ST3GAL3: variants seen among roughly 807,000 people sequenced by gnomAD.
ST3GAL3 encodes the protein CMP-N-acetylneuraminate-beta-1,4-galactoside alpha-2,3-sialyltransferase.
A neutral mutation model predicts 50.1 loss-of-function variants in ST3GAL3; 21 were observed. That is an observed-to-expected ratio of 0.42 (90% CI 0.30 to 0.60). ST3GAL3 has a LOEUF of 0.60. ST3GAL3 is among the 20% of genes least tolerant of loss of function. The pLI is 0.19. For missense variants in ST3GAL3, 353 were observed against 489.4 expected (o/e 0.72, Z 2.63); for synonymous variants, 183 against 190.0 (o/e 0.96, Z 0.30).
At chr1:43,859,934 G>T (rs2069494472) in intron 5 of ST3GAL3, among the ~76,000 whole-genome samples, 1 of 152,192 alleles carries the variant, frequency 6.6e-6, no homozygotes, top group Non-Finnish European at 1.5e-5. Flanking sequence ...TTAAGGGCAG[G>T]ACTCTGCCAG....
chr1:43,786,079 C>T (rs2154146666), intron 2 of ST3GAL3, among the ~76,000 whole-genome samples: 1 of 152,168 alleles, frequency 6.6e-6, no homozygotes, highest in East Asian at 1.9e-4. Context: ...TTCAGGCCAC[C>T]ATCAGTTCTC....
rs776629085 is a variant in ST3GAL3, at chr1:43,930,107, C to A, written c.1039-25C>A. On this transcript the variant is annotated intron_variant, in intron 11 of 11. Coordinates refer to ENST00000347631, the MANE Select transcript of ST3GAL3 (RefSeq NM_006279.5). ...AGTAAAGGTTTGAGCAAAGGCCCAA[C>A]TGATCACTTCATCTCTCCTTTCAGT... 12 of 1,610,504 alleles carry A rather than the reference C, an allele frequency of 7.5e-6. No individual in the cohort carries two copies. The African/African-American group carries it at 1.3e-4, about 18-fold the overall frequency.
At chr1:43,763,520 AG>A (rs1348618535) in intron 2 of ST3GAL3, among the ~76,000 whole-genome samples, 1 of 152,210 alleles carries the variant, frequency 6.6e-6, no homozygotes, top group African/African-American at 2.4e-5. Context: ...CAAGCCAATC[AG>A]CGTTGCCTTC....
intron 5 of ST3GAL3, among the ~76,000 whole-genome samples, chr1:43,867,964 A>C (rs1380118293): frequency 6.6e-6 from 1 of 152,262 alleles, no homozygotes; most frequent in Non-Finnish European, 1.5e-5. Context: ...GGCAACATAC[A>C]TGTATAATAA....
At chr1:43,855,114 T>C (rs2068084102) in intron 5 of ST3GAL3, among the ~76,000 whole-genome samples, 1 of 152,206 alleles carries the variant, frequency 6.6e-6, no homozygotes, top group South Asian at 2.1e-4. Flanking sequence ...ACTGCATAAG[T>C]TACATAAAAC....
At chr1:43,736,958 G>A (rs1023632341) in intron 2 of ST3GAL3, 1 of 213,530 alleles carries the variant, frequency 4.7e-6, no homozygotes, top group Non-Finnish European at 9.5e-6. Flanking sequence ...TTTGTCTCAT[G>A]TGTTACATAG....
In ST3GAL3 at chr1:43,915,227, G is replaced by A. The variant is rs564408340; in HGVS notation, c.745-5177G>A. ...GCTGAAGAGCTGCTGGTCACTGGGC[G>A]CCCTGGGTGGAGGTCAGGTCTCCTT... On this transcript the variant is annotated intron_variant, in intron 9 of 11. Transcript: ENST00000347631. 3.9e-5 allele frequency among the ~76,000 whole-genome samples: 6 copies of A among 152,280 alleles called. No individual in the cohort carries two copies. The East Asian group carries it at 5.8e-4, about 15-fold the overall frequency.
In ST3GAL3 at chr1:43,838,432, A is replaced by G. The variant is rs899074241; in HGVS notation, c.302+121A>G. ...GCTCTGGAAACCATGGGTTCCTGGA[A>G]AGGACTCTGCCTTTAAGTTGGTTCC... On this transcript the variant is annotated intron_variant, in intron 5 of 11. Coordinates refer to ENST00000347631, the MANE Select transcript of ST3GAL3 (RefSeq NM_006279.5). 10 of 950,126 alleles carry G rather than the reference A, an allele frequency of 1.1e-5. No homozygotes were observed. The African/African-American group carries it at 1.3e-4, about 12-fold the overall frequency. The allele number at this position is 950,126 out of a possible 1,614,324, so 58.9% of individuals were successfully genotyped here. A position where few individuals can be genotyped will look rare whatever the true frequency, so the allele number is the denominator to read the frequency against.
intron 5 of ST3GAL3, among the ~76,000 whole-genome samples, chr1:43,849,813 G>A (rs970536090): frequency 6.6e-6 from 1 of 152,204 alleles, no homozygotes; most frequent in Non-Finnish European, 1.5e-5. Context: ...ACAGCACACA[G>A]CAGAAGCTTC....
chr1:43,851,866 G>C (rs1442874370), intron 5 of ST3GAL3, among the ~76,000 whole-genome samples: 4 of 152,190 alleles, frequency 2.6e-5, no homozygotes, highest in Non-Finnish European at 4.4e-5. Context: ...CCAGCAACGT[G>C]ACTGGCCGCA....
intron 5 of ST3GAL3, among the ~76,000 whole-genome samples, chr1:43,847,395 C>T (rs2066436593): frequency 6.6e-6 from 1 of 152,084 alleles, no homozygotes; most frequent in Non-Finnish European, 1.5e-5. Context: ...TGTTCATTGA[C>T]AGATGAAAGG....
intron 9 of ST3GAL3, among the ~76,000 whole-genome samples, chr1:43,907,776 CTCT>C (rs1397867370): frequency 6.6e-6 from 1 of 152,146 alleles, no homozygotes; most frequent in Non-Finnish European, 1.5e-5. Flanking sequence ...CCGGGTCCTC[CTCT>C]CACATCTATG....
intron 5 of ST3GAL3, among the ~76,000 whole-genome samples, chr1:43,852,337 A>G (rs1242054755): frequency 6.6e-6 from 1 of 152,142 alleles, no homozygotes; most frequent in African/African-American, 2.4e-5. Context: ...AGGTCTTTTG[A>G]ATCTGTTTGG....
chr1:43,782,694 G>T (rs1005408889), intron 2 of ST3GAL3, among the ~76,000 whole-genome samples: 1 of 152,156 alleles, frequency 6.6e-6, no homozygotes, highest in Non-Finnish European at 1.5e-5. Context: ...TACATGCCAG[G>T]CACTGTGTTC....
intron 5 of ST3GAL3, among the ~76,000 whole-genome samples, chr1:43,884,340 G>A (rs748232155): frequency 2.6e-5 from 4 of 152,186 alleles, no homozygotes; most frequent in Non-Finnish European, 5.9e-5. Flanking sequence ...TTCGACTCCT[G>A]CTCTCCCATA....
intron 4 of ST3GAL3, among the ~76,000 whole-genome samples, chr1:43,815,950 G>A (rs557857784): frequency 3.9e-4 from 59 of 150,896 alleles, no homozygotes; most frequent in African/African-American, 1.3e-3. Context: ...GGATGACTGC[G>A]TACTTTCCTA....
At chr1:43,739,309 A>G (rs1399863437) in intron 2 of ST3GAL3, 1 of 150,020 alleles carries the variant, frequency 6.7e-6, no homozygotes, top group South Asian at 2.1e-4. Flanking sequence ...CGCAGCTTCA[A>G]CCTCCTGGGC....
At chr1:43,822,174 A>T (rs186650493) in intron 4 of ST3GAL3, among the ~76,000 whole-genome samples, 4 of 152,336 alleles carry the variant, frequency 2.6e-5, no homozygotes, top group Admixed American at 2.0e-4. Flanking sequence ...AGTCTCCATT[A>T]TAAGGAATAT....
chr1:43,855,036 T>G (rs867175938), intron 5 of ST3GAL3, among the ~76,000 whole-genome samples: 1 of 152,160 alleles, frequency 6.6e-6, no homozygotes, highest in Non-Finnish European at 1.5e-5. Context: ...GTTGCCACAT[T>G]GATCCTATTA....
Sources: allele counts gnomAD v4.1 joint callset (sites outside exome capture counted in the v4.1 genomes callset), GRCh38; gene constraint gnomAD v4.1.1; transcripts MANE v1.5; gene names NCBI Gene and HGNC (gene_info 2026-07-23, HGNC 2026-07-21).